Variants in TBC1D1 observed in about 807,000 individuals in gnomAD.
TBC1D1 encodes the protein TBC1 domain family member 1, also known as TBC1 (tre-2/USP6, BUB2, cdc16) domain family, member 1.
A neutral mutation model predicts 125.6 loss-of-function variants in TBC1D1; 89 were observed. The ratio of observed to expected loss-of-function variants is 0.71; its 90% CI spans 0.60 to 0.85. The LOEUF (loss-of-function observed/expected upper bound fraction) is 0.85. Among genes scored for constraint, TBC1D1 ranks in the 40% least tolerant of loss-of-function variants. TBC1D1 has a pLI of 0.00. For synonymous variants in TBC1D1, 565 were observed against 564.1 expected, an observed-to-expected ratio of 1.00 and a Z score of -0.02; for missense variants, 1,377 against 1,469.2, an observed-to-expected ratio of 0.94 and a Z score of 1.03.
intron 2 of TBC1D1, among the ~76,000 whole-genome samples, chr4:38,011,120 G>A (rs531582955): frequency 1.1e-3 from 169 of 152,278 alleles, no homozygotes; most frequent in Non-Finnish European, 1.5e-3. Flanking sequence ...GGGAGGCCGA[G>A]GCGGGTGGAT....
chr4:38,070,910 T>C (rs565524801), intron 12 of TBC1D1, among the ~76,000 whole-genome samples: 147 of 152,320 alleles, frequency 9.7e-4, no homozygotes, highest in African/African-American at 2.9e-3. Context: ...CATACTTCCA[T>C]TGTGAATCAT....
At chr4:38,016,454 C>G (rs1325431850) in intron 3 of TBC1D1, among the ~76,000 whole-genome samples, 1 of 152,212 alleles carries the variant, frequency 6.6e-6, no homozygotes, top group East Asian at 1.9e-4. Context: ...CTTTAGGTCT[C>G]TGCTGAAATG....
chr4:38,079,410 G>A (rs998690231), intron 12 of TBC1D1, among the ~76,000 whole-genome samples: 5 of 152,272 alleles, frequency 3.3e-5, no homozygotes, highest in Admixed American at 1.3e-4. Context: ...ATGAAAGTGC[G>A]ACTTGACTGG....
intron 11 of TBC1D1, among the ~76,000 whole-genome samples, chr4:38,051,239 G>A (rs962656326): frequency 6.6e-6 from 1 of 152,170 alleles, no homozygotes; most frequent in Non-Finnish European, 1.5e-5. Context: ...CATCCGTAAT[G>A]GGAGGGATGA....
At chr4:37,960,385 G>A (rs113180822) in intron 2 of TBC1D1, 11 of 1,477,490 alleles carry the variant, frequency 7.4e-6, no homozygotes, top group Middle Eastern at 1.8e-4. Flanking sequence ...ATATAAAGTG[G>A]GACCACGGTC....
intron 2 of TBC1D1, among the ~76,000 whole-genome samples, chr4:37,918,413 A>G (rs1353500514): frequency 1.3e-5 from 2 of 151,964 alleles, no homozygotes; most frequent in Non-Finnish European, 2.9e-5. Flanking sequence ...AACAGTGAAC[A>G]AACAAATGTG....
chr4:38,012,941 C>T (rs916680605), intron 2 of TBC1D1, among the ~76,000 whole-genome samples: 1 of 152,216 alleles, frequency 6.6e-6, no homozygotes, highest in African/African-American at 2.4e-5. Context: ...TTACAGGCAC[C>T]TGCCACCACG....
chr4:37,939,554 C>T (rs920424402), intron 2 of TBC1D1, among the ~76,000 whole-genome samples: 52 of 152,090 alleles, frequency 3.4e-4, no homozygotes, highest in Non-Finnish European at 6.2e-4. Context: ...ATTTTGGCTT[C>T]TGTTGCCATT....
intron 2 of TBC1D1, chr4:37,952,045 G>A (rs538917525): frequency 2.8e-6 from 2 of 717,654 alleles, no homozygotes; most frequent in East Asian, 2.7e-5. Flanking sequence ...AAGAGCTGCC[G>A]GAGAAGGTGA....
At chr4:37,941,078 G>C (rs1725465204) in intron 2 of TBC1D1, among the ~76,000 whole-genome samples, 1 of 152,146 alleles carries the variant, frequency 6.6e-6, no homozygotes, top group African/African-American at 2.4e-5. Flanking sequence ...CTATTGATTG[G>C]AATAATTTCA....
intron 2 of TBC1D1, among the ~76,000 whole-genome samples, chr4:37,947,519 C>T (rs1234581039): frequency 2.0e-5 from 3 of 151,934 alleles, no homozygotes; most frequent in African/African-American, 4.8e-5. Flanking sequence ...GGAGTATAGT[C>T]GTGCGATCAT....
At chr4:38,033,671 A>G (rs1396855507) in intron 7 of TBC1D1, among the ~76,000 whole-genome samples, 1 of 152,166 alleles carries the variant, frequency 6.6e-6, no homozygotes, top group Non-Finnish European at 1.5e-5. Context: ...CATACAGAAT[A>G]GTTTCACTGC....
chr4:38,084,598 C>T (rs958618829), intron 12 of TBC1D1, among the ~76,000 whole-genome samples: 13 of 152,210 alleles, frequency 8.5e-5, no homozygotes, highest in East Asian at 1.9e-4. Context: ...TAACAACAGA[C>T]GCTGCAGATG....
rs114163489 is a variant in TBC1D1 at position 38,107,722 on chromosome 4, T to C, written c.2557+4565T>C. Reference sequence around the variant, plus strand: ...TCATCTTTACACATCCTGTGTGAAATTGGGCACGTGCCGTTATTTCCAACT... The same window carrying C: ...TCATCTTTACACATCCTGTGTGAAACTGGGCACGTGCCGTTATTTCCAACT... On this transcript the variant is annotated intron_variant, in intron 15 of 19. Transcript: ENST00000261439. Among the ~76,000 whole-genome samples, 821 of 151,992 alleles carry C rather than the reference T, an allele frequency of 5.4e-3. 6 individuals carry two copies. Among genetic ancestry groups the C allele is most frequent in the African/African-American group, 0.018 (765 of 41,480 alleles).
intron 1 of TBC1D1, among the ~76,000 whole-genome samples, chr4:37,898,649 G>A (rs1304031643): frequency 2.0e-5 from 3 of 152,140 alleles, no homozygotes; most frequent in Non-Finnish European, 4.4e-5. Flanking sequence ...TGGGGGTCAG[G>A]GAACCAAGAG....
chr4:37,961,174 G>A, intron 2 of TBC1D1: 1 of 993,654 alleles, frequency 1.0e-6, no homozygotes, highest in Non-Finnish European at 1.5e-6. Flanking sequence ...GCTGTCCCTT[G>A]TTTCTATATT....
chr4:38,088,037 G>A (rs1368617299), intron 12 of TBC1D1, among the ~76,000 whole-genome samples: 1 of 150,720 alleles, frequency 6.6e-6, no homozygotes, highest in Non-Finnish European at 1.5e-5. Context: ...ACACATCATA[G>A]GAATTGCAAA....
At chr4:38,086,341 T>C (rs1757482296) in intron 12 of TBC1D1, among the ~76,000 whole-genome samples, 1 of 152,096 alleles carries the variant, frequency 6.6e-6, no homozygotes, top group Non-Finnish European at 1.5e-5. Context: ...CCTAGAGGCA[T>C]TGATGGTGGG....
At chr4:38,077,609 T>C (rs1755811080) in intron 12 of TBC1D1, among the ~76,000 whole-genome samples, 1 of 151,752 alleles carries the variant, frequency 6.6e-6, no homozygotes, top group Non-Finnish European at 1.5e-5. Context: ...CCTTGACTTT[T>C]GGTTCTTTCA....
Sources: gnomAD v4.1 joint callset for allele counts (sites outside exome capture counted in the v4.1 genomes callset) on GRCh38, gnomAD v4.1.1 for gene constraint, MANE v1.5 for transcripts, NCBI Gene and HGNC (gene_info 2026-07-23, HGNC 2026-07-21) for gene names.